Variants in ZNF385D observed in about 807,000 individuals in gnomAD.
The protein encoded by ZNF385D is zinc finger protein 385D.
ZNF385D carries 15 observed loss-of-function variants against 35.8 expected under a neutral mutation model. That is an observed-to-expected ratio of 0.42 (90% CI 0.28 to 0.64). The LOEUF (loss-of-function observed/expected upper bound fraction) is 0.64. ZNF385D is among the 30% of genes least tolerant of loss of function. The probability of loss-of-function intolerance (pLI) is 0.23; values close to 1 mark genes in which losing one functional copy is unlikely to be tolerated. For missense variants in ZNF385D, 474 were observed against 494.6 expected (o/e 0.96, Z 0.39); for synonymous variants, 212 against 186.8 (o/e 1.13, Z -1.10).
At chr3:21,480,165 C>T (rs1380301794) in intron 4 of ZNF385D, among the ~76,000 whole-genome samples, 5 of 147,096 alleles carry the variant, frequency 3.4e-5, no homozygotes, top group Admixed American at 7.0e-5. Flanking sequence ...TGCAATGGCA[C>T]GACCTCGGCT....
intron 3 of ZNF385D, among the ~76,000 whole-genome samples, chr3:22,011,712 C>T (rs1484308538): frequency 2.0e-5 from 3 of 151,902 alleles, no homozygotes; most frequent in African/African-American, 7.3e-5. Flanking sequence ...TTAATATTTA[C>T]AATACTTTGA....
intron 2 of ZNF385D, among the ~76,000 whole-genome samples, chr3:22,263,483 T>C (rs977818185): frequency 6.6e-6 from 1 of 152,084 alleles, no homozygotes; most frequent in South Asian, 2.1e-4. Flanking sequence ...GCTTCCTTGA[T>C]TGCTTTCTTA....
chr3:21,915,369 A>G (rs1356578209), intron 3 of ZNF385D, among the ~76,000 whole-genome samples: 1 of 152,152 alleles, frequency 6.6e-6, no homozygotes, highest in Non-Finnish European at 1.5e-5. Flanking sequence ...TGTTCAAGAC[A>G]ATGTAAATAG....
At chr3:21,795,454 G>A (rs980267226) in intron 3 of ZNF385D, among the ~76,000 whole-genome samples, 20 of 152,236 alleles carry the variant, frequency 1.3e-4, no homozygotes, top group Non-Finnish European at 4.4e-5. Flanking sequence ...TGGTAGCCGT[G>A]TGCAAAAGAA....
At chr3:22,073,453 T>G (rs1011511372) in intron 3 of ZNF385D, among the ~76,000 whole-genome samples, 5 of 151,886 alleles carry the variant, frequency 3.3e-5, no homozygotes, top group African/African-American at 1.2e-4. Context: ...AACTTTAAAC[T>G]TCCAGAAATT....
chr3:22,355,436 AC>A (rs1409668733), intron 2 of ZNF385D, among the ~76,000 whole-genome samples: 2 of 152,024 alleles, frequency 1.3e-5, no homozygotes, highest in African/African-American at 4.8e-5. Flanking sequence ...CAACAGTCAG[AC>A]CTAGGAAAAT....
intron 3 of ZNF385D, among the ~76,000 whole-genome samples, chr3:22,073,318 G>T (rs1454012609): frequency 6.9e-6 from 1 of 145,286 alleles, no homozygotes; most frequent in Non-Finnish European, 1.5e-5. Flanking sequence ...ATATGAAAAA[G>T]AAACAGACAG....
At chr3:21,845,161 G>A (rs541167661) in intron 3 of ZNF385D, among the ~76,000 whole-genome samples, 21 of 152,020 alleles carry the variant, frequency 1.4e-4, no homozygotes, top group South Asian at 4.1e-4. Context: ...CTACTTCTAC[G>A]AATGCCAGAT....
At chr3:21,866,792 ATAT>A (rs1453200368) in intron 3 of ZNF385D, among the ~76,000 whole-genome samples, 1 of 152,170 alleles carries the variant, frequency 6.6e-6, no homozygotes, top group Non-Finnish European at 1.5e-5. Flanking sequence ...TTTTATCAAT[ATAT>A]TCTTTAAATC....
At chr3:22,241,938 G>A (rs1699515298) in intron 2 of ZNF385D, among the ~76,000 whole-genome samples, 3 of 150,284 alleles carry the variant, frequency 2.0e-5, no homozygotes, top group South Asian at 2.2e-4. Context: ...TAAACAGAAG[G>A]GACAACTACT....
At chr3:22,086,949 G>T (rs190619691) in intron 3 of ZNF385D, among the ~76,000 whole-genome samples, 19 of 152,128 alleles carry the variant, frequency 1.2e-4, no homozygotes, top group Admixed American at 9.8e-4. Context: ...GGGGGGAGAG[G>T]GGAGGGATAG....
intron 3 of ZNF385D, among the ~76,000 whole-genome samples, chr3:21,901,218 C>T (rs1461165258): frequency 1.3e-5 from 2 of 152,130 alleles, no homozygotes; most frequent in African/African-American, 4.8e-5. Context: ...TCCTTGTGAT[C>T]CCCCTGCCTC....
At chr3:21,993,341 T>A (rs975166918) in intron 3 of ZNF385D, among the ~76,000 whole-genome samples, 3 of 152,204 alleles carry the variant, frequency 2.0e-5, no homozygotes, top group African/African-American at 7.2e-5. Context: ...TCTTCTCTGA[T>A]CTCTGCACAT....
chr3:22,192,559 G>A (rs1576473598), intron 2 of ZNF385D, among the ~76,000 whole-genome samples: 1 of 152,118 alleles, frequency 6.6e-6, no homozygotes, highest in African/African-American at 2.4e-5. Flanking sequence ...ATGTTGTGAA[G>A]ACACTCAAGC....
intron 2 of ZNF385D, among the ~76,000 whole-genome samples, chr3:22,264,152 G>A (rs1347939049): frequency 6.6e-6 from 1 of 151,960 alleles, no homozygotes; most frequent in African/African-American, 2.4e-5. Context: ...CAAACTGTGA[G>A]GCATATATAA....
chr3:21,427,849 C>T (rs1195798369), intron 5 of ZNF385D, among the ~76,000 whole-genome samples: 1 of 151,942 alleles, frequency 6.6e-6, no homozygotes, highest in Admixed American at 6.6e-5. Flanking sequence ...TTAAATATAC[C>T]CATACCTTAT....
chr3:22,259,201 T>C (rs1171768325), intron 2 of ZNF385D, among the ~76,000 whole-genome samples: 1 of 151,928 alleles, frequency 6.6e-6, no homozygotes, highest in Non-Finnish European at 1.5e-5. Context: ...AATATTGATA[T>C]ATTTCATTAT....
chr3:21,863,596 G>A (rs183593040), intron 3 of ZNF385D, among the ~76,000 whole-genome samples: 239 of 152,216 alleles, frequency 1.6e-3, no homozygotes, highest in African/African-American at 5.6e-3. Context: ...TGCACTTAAG[G>A]GTTGGGGAAA....
At chr3:22,293,763 G>A (rs1702424790) in intron 2 of ZNF385D, among the ~76,000 whole-genome samples, 3 of 152,018 alleles carry the variant, frequency 2.0e-5, no homozygotes. Context: ...AGCATCACCT[G>A]GTAGCTTTCA....
Sources: gnomAD v4.1 joint callset for allele counts (sites outside exome capture counted in the v4.1 genomes callset) on GRCh38, gnomAD v4.1.1 for gene constraint, MANE v1.5 for transcripts, NCBI Gene and HGNC (gene_info 2026-07-23, HGNC 2026-07-21) for gene names.